GABRA3: variants seen among roughly 807,000 people sequenced by gnomAD.
GABRA3 encodes gamma-aminobutyric acid type A receptor subunit alpha3.
GABRA3 carries 10 observed loss-of-function variants against 30.1 expected under a neutral mutation model. The ratio of observed to expected loss-of-function variants is 0.33; its 90% CI spans 0.20 to 0.56. The LOEUF (loss-of-function observed/expected upper bound fraction) is 0.56, where lower values mean the gene tolerates loss of function less well. GABRA3 is among the 20% of genes least tolerant of loss of function. GABRA3 has a pLI of 0.89. For missense variants in GABRA3, 233 were observed against 392.0 expected, an observed-to-expected ratio of 0.59 and a Z score of 3.42; for synonymous variants, 151 against 146.8, an observed-to-expected ratio of 1.03 and a Z score of -0.21.
At chrX:152,263,120 C>T (rs938141111) in intron 4 of GABRA3, among the ~76,000 whole-genome samples, 1 of 110,827 alleles carries the variant, frequency 9.0e-6, no homozygotes, top group Non-Finnish European at 1.9e-5. Flanking sequence ...GTAAGCACCC[C>T]CATGATTCAA....
At chrX:152,347,108 G>A (rs1940403395) in intron 2 of GABRA3, among the ~76,000 whole-genome samples, 1 of 111,988 alleles carries the variant, frequency 8.9e-6, no homozygotes, top group African/African-American at 3.2e-5. Context: ...CATAGTAGAT[G>A]ATTGGATAAA....
chrX:152,279,432 A>G (rs1418992104), intron 4 of GABRA3, among the ~76,000 whole-genome samples: 4 of 110,995 alleles, frequency 3.6e-5, no homozygotes, highest in Non-Finnish European at 7.5e-5. Flanking sequence ...GATATGTGGC[A>G]TTATTTCTAA....
At chrX:152,224,724 C>G in intron 6 of GABRA3, 39 bp downstream of exon 6, 1 of 832,190 alleles carries the variant, frequency 1.2e-6, no homozygotes, top group Non-Finnish European at 1.7e-6. Context: ...GAAGATCAGG[C>G]AAAAAAAAAA....
At chrX:152,370,116 C>T (rs1928794423) in intron 1 of GABRA3, among the ~76,000 whole-genome samples, 1 of 112,122 alleles carries the variant, frequency 8.9e-6, no homozygotes, top group African/African-American at 3.2e-5. Flanking sequence ...TAAACACCTG[C>T]TACTGGGATA....
chrX:152,251,388 T>G (rs983062314), intron 5 of GABRA3, among the ~76,000 whole-genome samples: 1 of 109,496 alleles, frequency 9.1e-6, no homozygotes, highest in Non-Finnish European at 1.9e-5. Context: ...AATATTCCCA[T>G]CCTCTCTCCT....
chrX:152,244,134 C>T (rs1048962497), intron 5 of GABRA3, among the ~76,000 whole-genome samples: 13 of 111,811 alleles, frequency 1.2e-4, no homozygotes, highest in African/African-American at 4.2e-4. Context: ...GATATTTTTG[C>T]TGGTACATAT....
At position 152,434,977 on chromosome X, in the gene GABRA3, T is replaced by A. The variant is rs763689460; in HGVS notation, c.-27+16169A>T. On this transcript the variant is annotated intron_variant, in intron 1 of 9. Coordinates refer to ENST00000370314, the MANE Select transcript of GABRA3 (RefSeq NM_000808.4). ...AATATTTCCTGCAATAAAATGAAGA[T>A]CAAGGCAAGGAGATCTGCTGTACAC... Among the ~76,000 whole-genome samples the A allele has an allele frequency of 4.5e-5, 5 of 111,888 alleles. No homozygotes were observed. The South Asian group carries it at 1.9e-3, about 42-fold the overall frequency.
At chrX:152,401,283 TATATAC>T (rs1393108844) in intron 1 of GABRA3, among the ~76,000 whole-genome samples, 21 of 103,177 alleles carry the variant, frequency 2.0e-4, no homozygotes, top group Admixed American at 6.2e-4. Context: ...TATATATATA[TATATAC>T]ACACACACAC....
intron 9 of GABRA3, among the ~76,000 whole-genome samples, chrX:152,180,951 T>C (rs2124335094): frequency 8.9e-6 from 1 of 112,472 alleles, no homozygotes; most frequent in African/African-American, 3.2e-5. Flanking sequence ...TTCTAGAGCA[T>C]ATTTTGAAGT....
At chrX:152,401,102 T>C (rs1306247617) in intron 1 of GABRA3, among the ~76,000 whole-genome samples, 1 of 111,623 alleles carries the variant, frequency 9.0e-6, no homozygotes, top group African/African-American at 3.3e-5. Flanking sequence ...CCAACCAGAC[T>C]TCTTATCTAT....
In GABRA3 at chrX:152,282,845, T is replaced by C. The variant is rs377343215; in HGVS notation, c.330+1823A>G. Among the ~76,000 whole-genome samples, 10 of 111,918 alleles carry C rather than the reference T, an allele frequency of 8.9e-5. No homozygotes were observed. In the East Asian group the frequency reaches 1.7e-3, roughly 19 times the overall value. ...TAGTGTGTGGGCTGTGTACCCTATA[T>C]GTATTTGTTATGTGTATGTATATTT... is the stretch of plus-strand genomic sequence containing the variant. On this transcript the variant is annotated intron_variant, in intron 4 of 9. Transcript: ENST00000370314.
chrX:152,345,548 G>GAAAAGGACTTCAAAGATCTT (rs766924936), intron 3 of GABRA3, 33 bp downstream of exon 3: 1 of 1,184,298 alleles, frequency 8.4e-7, no homozygotes, highest in Non-Finnish European at 1.1e-6. Flanking sequence ...AAGAAGATCT[G>GAAAAGGACTTCAAAGATCTT]AAAAGGACTT....
intron 3 of GABRA3, among the ~76,000 whole-genome samples, chrX:152,319,381 C>T (rs987524841): frequency 9.8e-5 from 11 of 111,769 alleles, no homozygotes; most frequent in African/African-American, 1.9e-4. Context: ...AAAATAAGCA[C>T]GGAGACCAAT....
intron 5 of GABRA3, among the ~76,000 whole-genome samples, chrX:152,237,711 C>T (rs1371840202): frequency 9.5e-6 from 1 of 105,303 alleles, no homozygotes; most frequent in Non-Finnish European, 1.9e-5. Context: ...CCTTCACATC[C>T]CTTGTAAGTT....
At chrX:152,276,723 G>A (rs1939092803) in intron 4 of GABRA3, among the ~76,000 whole-genome samples, 1 of 111,644 alleles carries the variant, frequency 9.0e-6, no homozygotes, top group African/African-American at 3.2e-5. Context: ...CAAAAAAGTA[G>A]AGTTTTTAAT....
chrX:152,182,883 A>G (rs1019748235), intron 9 of GABRA3, among the ~76,000 whole-genome samples: 8 of 97,857 alleles, frequency 8.2e-5, no homozygotes, highest in Middle Eastern at 5.1e-3. Flanking sequence ...TATAGTGTAT[A>G]TATATATAGT....
chrX:152,360,606 G>A (rs1266459994), intron 2 of GABRA3, among the ~76,000 whole-genome samples: 4 of 77,351 alleles, frequency 5.2e-5, no homozygotes, highest in Non-Finnish European at 7.3e-5. Flanking sequence ...TAGATGACAC[G>A]TTAGTGGGTG....
chrX:152,286,184 A>G (rs1396776769), intron 3 of GABRA3, among the ~76,000 whole-genome samples: 1 of 103,061 alleles, frequency 9.7e-6, no homozygotes, highest in Non-Finnish European at 2.0e-5. Context: ...TATAAGTTAT[A>G]TAAGTATATA....
intron 1 of GABRA3, among the ~76,000 whole-genome samples, chrX:152,431,331 G>A (rs1179403601): frequency 1.8e-5 from 2 of 111,955 alleles, no homozygotes; most frequent in African/African-American, 6.5e-5. Context: ...TCAATAAGAA[G>A]ATAAAACTAA....
Sources: allele counts gnomAD v4.1 joint callset (sites outside exome capture counted in the v4.1 genomes callset), GRCh38; gene constraint gnomAD v4.1.1; transcripts MANE v1.5; gene names NCBI Gene and HGNC (gene_info 2026-07-23, HGNC 2026-07-21).